The following POLG variants were observed in gnomAD, a reference collection of about 807,000 sequenced individuals.
POLG encodes the protein DNA polymerase gamma, catalytic subunit, also known as DNA polymerase subunit gamma-1.
A neutral mutation model predicts 155.4 loss-of-function variants in POLG; 110 were observed. The observed-to-expected ratio is 0.71, with a 90% CI of 0.61 to 0.83. The LOEUF (loss-of-function observed/expected upper bound fraction) is 0.83, where lower values mean the gene tolerates loss of function less well. Among genes scored for constraint, POLG ranks in the 40% least tolerant of loss-of-function variants. The pLI is 0.00. For synonymous variants in POLG, 701 were observed against 631.5 expected, an observed-to-expected ratio of 1.11 and a Z score of -1.65; for missense variants, 1,685 against 1,627.5, an observed-to-expected ratio of 1.04 and a Z score of -0.61.
At chr15:89,325,117 AGTG>A (rs2055472053) in intron 10 of POLG, among the ~76,000 whole-genome samples, 1 of 64,626 alleles carries the variant, frequency 1.5e-5, no homozygotes, top group African/African-American at 5.2e-5. Flanking sequence ...AGAGAGAGTG[AGTG>A]AGTGAGTGAG....
chr15:89,330,179 C>G lies in POLG; in HGVS notation c.757G>C (p.Ala253Pro). Residue 253 changes from alanine (A) to proline (P), a missense_variant, in exon 3 of 23, where the codon GCC (alanine) becomes CCC (proline). Transcript: ENST00000268124. ...CAGTCTCTCTGGGTGGGGCTGCTGG[C>G]ACCAGTAGGGACCTCCAGGGGGATG... The part of the protein sequence containing the change: ...DLIPLEVPTG[A>P]SSPTQRDWQE... 4 of 1,613,912 alleles carry G rather than the reference C, an allele frequency of 2.5e-6. No individual in the cohort carries two copies. The highest frequency in any genetic ancestry group is 3.4e-6 in the Non-Finnish European group (4 of 1,179,986).
Position 89,319,088 on chromosome 15 carries a change from T to A in POLG, c.3116A>T (p.Lys1039Met). ...QRETARKSQW[K>M]KWEVVAERAW... Reference sequence around the variant, plus strand: ...CCGTTCAGCAACCACCTCCCACTTCTTCCACTGTGACCTAAGGGACCAGAA... The same window carrying A: ...CCGTTCAGCAACCACCTCCCACTTCATCCACTGTGACCTAAGGGACCAGAA... The change falls in exon 20 of 23, where the codon AAG (lysine) becomes ATG (methionine). Residue 1039 changes from lysine to methionine, a missense_variant. Physicochemically the swap from Lys to Met is moderately conservative, Grantham distance 95. This residue lies in a region of POLG where 470 missense variants were observed against 439.9 expected (regional missense o/e 1.07). Transcript: ENST00000268124. The A allele has an allele frequency of 6.2e-7, 1 of 1,614,166 alleles. No individual in the cohort carries two copies. The highest frequency in any genetic ancestry group is 8.5e-7 in the Non-Finnish European group (1 of 1,180,012).
At position 89,326,743 on chromosome 15, in the gene POLG, G is replaced by A. The variant is rs747270023; in HGVS notation, c.1586-5C>T. On this transcript the variant is annotated splice_region_variant and splice_polypyrimidine_tract_variant and intron_variant, in intron 8 of 22. Coordinates refer to ENST00000268124, the MANE Select transcript of POLG (RefSeq NM_002693.3). ...CCTCACTGCAGGGGCCGAGGTCTGTGAGGGTGGGGGAAGACAATCAGGAGC... is the reference window on the plus strand; with the variant it reads ...CCTCACTGCAGGGGCCGAGGTCTGTAAGGGTGGGGGAAGACAATCAGGAGC... 24 of 1,609,054 alleles carry A rather than the reference G, an allele frequency of 1.5e-5. No individual in the cohort carries two copies. In the Admixed American group the frequency reaches 2.2e-4, roughly 15 times the overall value.
chr15:89,319,378 C>G, intron 18 of POLG, 28 bp from the exon 19 acceptor site: 1 of 1,612,306 alleles, frequency 6.2e-7, no homozygotes, highest in African/African-American at 1.3e-5. Flanking sequence ...ACCATCATTC[C>G]ACGGGAGTGC....
intron 18 of POLG, among the ~76,000 whole-genome samples, chr15:89,319,978 G>A (rs1334126728): frequency 6.6e-6 from 1 of 152,122 alleles, no homozygotes; most frequent in Non-Finnish European, 1.5e-5. Context: ...TTTCAAAGGT[G>A]TCCACAACTA....
Position 89,321,944 on chromosome 15 carries a change from C to T in POLG, c.2480+18G>A, listed in dbSNP as rs1311029713. The T allele has an allele frequency of 6.2e-7, 1 of 1,613,736 alleles. No homozygotes were observed. Among genetic ancestry groups the T allele is most frequent in the Admixed American group, 1.7e-5 (1 of 60,024 alleles). On this transcript the variant is annotated intron_variant, in intron 15 of 22. Coordinates refer to ENST00000268124, the MANE Select transcript of POLG (RefSeq NM_002693.3). ...CACCTCAGTTCTCCTATCCCTACAA[C>T]CACTCAGCAGACCATACCTGATCAC...
At chr15:89,331,380 G>A (rs1362750983) in intron 2 of POLG, among the ~76,000 whole-genome samples, 2 of 151,958 alleles carry the variant, frequency 1.3e-5, no homozygotes, top group African/African-American at 4.8e-5. Flanking sequence ...AATCTTTGAG[G>A]CCATGGTGGT....
intron 11 of POLG, 32 bp from the exon 12 acceptor site, chr15:89,323,933 C>A: frequency 6.3e-7 from 1 of 1,576,086 alleles, no homozygotes; most frequent in Non-Finnish European, 8.7e-7. Context: ...AGTAGTGAAG[C>A]AGGGGACTGG....
intron 21 of POLG, chr15:89,317,815 C>G (rs2055323653): frequency 2.2e-6 from 1 of 459,574 alleles, no homozygotes; most frequent in African/African-American, 2.0e-5. Context: ...GAAATCACTT[C>G]CAATTGGGCC....
At chr15:89,317,830 TTTG>T in intron 21 of POLG, 4 of 436,894 alleles carry the variant, frequency 9.2e-6, no homozygotes, top group Middle Eastern at 3.3e-4. Context: ...TGGGCCAGAG[TTTG>T]AAGCATAAAT....
At chr15:89,334,243 T>C (rs1262163774) in intron 1 of POLG, 1 of 189,972 alleles carries the variant, frequency 5.3e-6, no homozygotes, top group African/African-American at 2.4e-5. Flanking sequence ...CCTGATATCC[T>C]ATTCTGTAAA....
In POLG at chr15:89,317,449, C is replaced by T. The variant is rs531174853; in HGVS notation, c.3570G>A (p.Arg1190=). 1.9e-6 allele frequency: 3 copies of T among 1,614,120 alleles called. No homozygotes were observed. The highest frequency in any genetic ancestry group is 2.5e-6 in the Non-Finnish European group (3 of 1,179,988). The change falls in exon 22 of 23, where the codon AGG becomes AGA. Residue 1190 remains arginine, a synonymous_variant. Coordinates refer to ENST00000268124, the MANE Select transcript of POLG (RefSeq NM_002693.3). ...FSAVDIDRCL[R]KEVTMDCKTP... is the part of the protein sequence containing the mutation. ...TTTTACAATCCATGGTCACTTCCTTCCTGAGGCACCGGTCAATATCGACTG... is the reference window on the plus strand; with the variant it reads ...TTTTACAATCCATGGTCACTTCCTTTCTGAGGCACCGGTCAATATCGACTG...
In POLG at chr15:89,325,239, T is replaced by TGAGA. The variant is rs1396642043; in HGVS notation, c.1949+210_1949+211insTCTC. ...GTGAGTGAGAGAGTGAGTGAGAGAG[T>TGAGA]GAGTGAGTGAGAGAGAGAGTGAGTG... On this transcript the variant is annotated intron_variant, in intron 10 of 22. Coordinates refer to ENST00000268124, the MANE Select transcript of POLG (RefSeq NM_002693.3). Among the ~76,000 whole-genome samples the TGAGA allele has an allele frequency of 2.0e-4, 16 of 80,536 alleles. 6 individuals are homozygous for TGAGA. The East Asian group carries it at 3.6e-3, about 18-fold the overall frequency. The allele number at this position is 80,536 out of a possible 152,430, so 52.8% of individuals were successfully genotyped here. A position where few individuals can be genotyped will look rare whatever the true frequency, so the allele number is the denominator to read the frequency against.
In POLG at chr15:89,333,912, T is replaced by A; in HGVS notation, c.-158A>T. On this transcript the variant is annotated splice_region_variant and 5_prime_UTR_variant, in exon 2 of 23. Transcript: ENST00000268124. ...GACCATGCCTGCCTTCCACCCCAAA[T>A]CCTAAAGGAGACAGATGATATAAAG... 1 of 766,946 alleles carries A rather than the reference T, an allele frequency of 1.3e-6. No individual in the cohort carries two copies. Among genetic ancestry groups the A allele is most frequent in the Non-Finnish European group, 2.1e-6 (1 of 469,340 alleles). 47.5% of individuals were successfully genotyped at this position (766,946 alleles called of 1,614,324 possible).
chr15:89,319,464 C>T (rs1249662280), intron 18 of POLG, 114 bp from the exon 19 acceptor site: 1 of 1,405,210 alleles, frequency 7.1e-7, no homozygotes, highest in East Asian at 2.4e-5. Flanking sequence ...GACATCATGC[C>T]AGTCCCCTAA....
In POLG at chr15:89,321,783, T is replaced by C. The variant is rs775445970; in HGVS notation, c.2551A>G (p.Thr851Ala). The change falls in exon 16 of 23, where the codon ACT becomes GCT. Residue 851 changes from threonine to alanine, a missense_variant. This residue lies in a region of POLG where 1,210 missense variants were observed against 1,167.1 expected (regional missense o/e 1.04). Coordinates refer to ENST00000268124, the MANE Select transcript of POLG (RefSeq NM_002693.3). ...CATGTGGGCTCCACAGCCCGGCGAG[T>C]GATGGTGCCGGCAGTCACCACTTGG... ...LPQVVTAGTITRRAVEPTWLT... is the reference protein window; with the variant it reads ...LPQVVTAGTIARRAVEPTWLT... 3.1e-6 allele frequency: 5 copies of C among 1,613,898 alleles called. No individual in the cohort carries two copies. The highest frequency in any genetic ancestry group is 4.2e-6 in the Non-Finnish European group (5 of 1,179,972).
At chr15:89,319,160 A>AGCAT in intron 19 of POLG, 61 bp from the exon 20 acceptor site, 1 of 1,614,178 alleles carries the variant, frequency 6.2e-7, no homozygotes, top group Non-Finnish European at 8.5e-7. Flanking sequence ...TAAAAAACAA[A>AGCAT]GCATCCAAGC....
chr15:89,325,159 TGAGTGAGTGAGAGAGTGA>T lies in POLG; in HGVS notation c.1949+273_1949+290del, dbSNP rs1567189624. Among the ~76,000 whole-genome samples the T allele has an allele frequency of 1.4e-4, 6 of 43,404 alleles. 1 individual carries two copies. The highest frequency in any genetic ancestry group is 8.2e-4 in the African/African-American group (6 of 7,350). The allele number at this position is 43,404 out of a possible 152,430, so 28.5% of individuals were successfully genotyped here. A position where few individuals can be genotyped will look rare whatever the true frequency, so the allele number is the denominator to read the frequency against. On this transcript the variant is annotated intron_variant, in intron 10 of 22. Coordinates refer to ENST00000268124, the MANE Select transcript of POLG (RefSeq NM_002693.3). ...GTGAGTGAGAGAGTGAGTGAGTGAG[TGAGTGAGTGAGAGAGTGA>T]GAGAGTGAGTGAGTGAGAGAGTGAG...
In POLG at chr15:89,333,454, G is replaced by A. The variant is rs373324721; in HGVS notation, c.301C>T (p.Arg101Cys). 1.9e-6 allele frequency: 3 copies of A among 1,610,534 alleles called. No homozygotes were observed. The highest frequency in any genetic ancestry group is 2.5e-6 in the Non-Finnish European group (3 of 1,179,672). ...TTCTGCAGGTGCTCGACGCTGCGGCGCACCGCGGCCTCGCCAGGCATCTCC... is the reference window on the plus strand; with the variant it reads ...TTCTGCAGGTGCTCGACGCTGCGGCACACCGCGGCCTCGCCAGGCATCTCC... ...GGEMPGEAAVRRSVEHLQKHG... is the reference protein window; with the variant it reads ...GGEMPGEAAVCRSVEHLQKHG... Residue 101 changes from arginine (R) to cysteine (C), a missense_variant, in exon 2 of 23, where the codon CGC (arginine) becomes TGC (cysteine). Coordinates refer to ENST00000268124, the MANE Select transcript of POLG (RefSeq NM_002693.3).
Sources: gnomAD v4.1 joint callset for allele counts (sites outside exome capture counted in the v4.1 genomes callset) on GRCh38, gnomAD v4.1.1 for gene constraint, gnomAD v4.1.1 regional missense constraint, MANE v1.5 for transcripts, NCBI Gene and HGNC (gene_info 2026-07-23, HGNC 2026-07-21) for gene names.